The following RGPD1 variants were observed in gnomAD, a reference collection of about 807,000 sequenced individuals.
RGPD1 encodes the protein RANBP2 like and GRIP domain containing 1.
In RGPD1, 7 loss-of-function variants were observed where a neutral mutation model predicts 40.6. The observed-to-expected ratio is 0.17, with a 90% CI of 0.10 to 0.32. RGPD1 has a LOEUF of 0.32. RGPD1 is among the 10% of genes least tolerant of loss of function. The pLI, the probability that RGPD1 is intolerant of heterozygous loss-of-function variation, is 1.00. For missense variants in RGPD1, 50 were observed against 472.5 expected, an observed-to-expected ratio of 0.11 and a Z score of 8.29; for synonymous variants, 24 against 167.0, an observed-to-expected ratio of 0.14 and a Z score of 6.60.
intron 1 of RGPD1, among the ~76,000 whole-genome samples, chr2:86,944,418 T>A (rs1239736303): frequency 6.6e-6 from 1 of 152,086 alleles, no homozygotes; most frequent in Non-Finnish European, 1.5e-5. Flanking sequence ...TTATTTTTTT[T>A]TTTTTAGGTG....
At chr2:86,945,159 C>A (rs528421016) in intron 1 of RGPD1, among the ~76,000 whole-genome samples, 1 of 151,908 alleles carries the variant, frequency 6.6e-6, no homozygotes, top group East Asian at 1.9e-4. Context: ...AACTACATAA[C>A]GTCTCCATTA....
chr2:86,942,056 G>A (rs1462906398), upstream of RGPD1, among the ~76,000 whole-genome samples: 1 of 151,528 alleles, frequency 6.6e-6, no homozygotes, highest in East Asian at 1.9e-4. Flanking sequence ...GAGCCCGGCC[G>A]AGTGCAGCTC....
At position 86,918,535 on chromosome 2, in the gene RGPD1, C is replaced by G. The variant is rs1459253541; in HGVS notation, c.72+4614C>G. 3.6e-5 allele frequency among the ~76,000 whole-genome samples: 5 copies of G among 137,952 alleles called. No homozygotes were observed. The East Asian group carries it at 1.1e-3, about 30-fold the overall frequency. The allele number at this position is 137,952 out of a possible 152,430, so 90.5% of individuals were successfully genotyped here. A position where few individuals can be genotyped will look rare whatever the true frequency, so the allele number is the denominator to read the frequency against. The stretch of plus-strand genomic sequence containing the variant: ...AGTGCAATGGCGCAATCTCAGCTCA[C>G]TACAGGCTCTGCCTCCTGGGTTCAT... On this transcript the variant is annotated intron_variant, in intron 1 of 22. Transcript: ENST00000398193.
At chr2:86,943,954 C>A (rs1418986373) in intron 1 of RGPD1, among the ~76,000 whole-genome samples, 1 of 151,568 alleles carries the variant, frequency 6.6e-6, no homozygotes, top group Non-Finnish European at 1.5e-5. Context: ...GTGGAGGTTC[C>A]AGTGAGCCGA....
At position 86,930,169 on chromosome 2, in the gene RGPD1, C is replaced by T. The variant is rs572374736; in HGVS notation, c.72+16248C>T. 101 of 1,449,860 alleles carry T rather than the reference C, an allele frequency of 7.0e-5. 7 individuals carry two copies. In the African/African-American group the frequency reaches 1.4e-3, roughly 20 times the overall value. 89.8% of individuals were successfully genotyped at this position (1,449,860 alleles called of 1,614,324 possible). ...TGTGGGGGCAGGGGTCACCCCTGCCCCAGACTCACCCTCCTGATGAGGGAG... is the reference window on the plus strand; with the variant it reads ...TGTGGGGGCAGGGGTCACCCCTGCCTCAGACTCACCCTCCTGATGAGGGAG... On this transcript the variant is annotated intron_variant, in intron 1 of 22. Coordinates refer to the RGPD1 transcript ENST00000398193.
intron 1 of RGPD1, chr2:86,930,620 C>G: frequency 6.2e-7 from 1 of 1,611,678 alleles, no homozygotes; most frequent in South Asian, 1.1e-5. Flanking sequence ...AGCCAGTCTC[C>G]CCGCAGCAGT....
rs867907705 is a variant in RGPD1 at position 86,996,987 on chromosome 2, T to C, written c.5041-576T>C. 1.9e-3 allele frequency among the ~76,000 whole-genome samples: 239 copies of C among 125,854 alleles called. 2 individuals are homozygous for C. In the Middle Eastern group the frequency reaches 0.031, roughly 16 times the overall value. 82.6% of individuals were successfully genotyped at this position (125,854 alleles called of 152,430 possible). Reference sequence around the variant, plus strand: ...CATGGCTCCAGTTAGTTGCTCCTCATGGAGACGTTCCATCAGTTCCCCAGC... The same window carrying C: ...CATGGCTCCAGTTAGTTGCTCCTCACGGAGACGTTCCATCAGTTCCCCAGC... On this transcript the variant is annotated intron_variant, in intron 21 of 22. Coordinates refer to ENST00000641458, the MANE Select transcript of RGPD1 (RefSeq NM_001382344.1).
intron 1 of RGPD1, among the ~76,000 whole-genome samples, chr2:86,947,636 C>A (rs1680404601): frequency 8.1e-6 from 1 of 123,928 alleles, no homozygotes; most frequent in South Asian, 2.8e-4. Context: ...TGATGTTTAC[C>A]TGAAAGCTGG....
intron 1 of RGPD1, among the ~76,000 whole-genome samples, chr2:86,914,236 GGGC>G (rs1243374849): frequency 6.1e-5 from 5 of 82,330 alleles, no homozygotes; most frequent in African/African-American, 1.1e-4. Context: ...CGGCCTGGCC[GGGC>G]GGCGGCGGCG....
intron 1 of RGPD1, among the ~76,000 whole-genome samples, chr2:86,944,852 C>A (rs1573614155): frequency 6.6e-6 from 1 of 151,928 alleles, no homozygotes; most frequent in Non-Finnish European, 1.5e-5. Flanking sequence ...AGACTACAGG[C>A]ATGCCAGCTA....
At chr2:86,944,426 G>C (rs62148278) in intron 1 of RGPD1, among the ~76,000 whole-genome samples, 1 of 150,240 alleles carries the variant, frequency 6.7e-6, no homozygotes, top group Non-Finnish European at 1.5e-5. Flanking sequence ...TTTTTTTTAG[G>C]TGGGGTCTCA....
chr2:86,920,193 C>T (rs1479830938), intron 1 of RGPD1, among the ~76,000 whole-genome samples: 1 of 151,866 alleles, frequency 6.6e-6, no homozygotes, highest in Non-Finnish European at 1.5e-5. Context: ...CCTCAGCCTC[C>T]TGAGTAGCTG....
chr2:87,013,427 A>G lies in RGPD1; in HGVS notation c.*880A>G, dbSNP rs1052623558. ...AGCTCACATTCTAGTGGAATCAGACAGGGGGGTTACAGGAAATATTCAAGT... is the reference window on the plus strand; with the variant it reads ...AGCTCACATTCTAGTGGAATCAGACGGGGGGGTTACAGGAAATATTCAAGT... On this transcript the variant is annotated 3_prime_UTR_variant, in exon 23 of 23. Transcript: ENST00000641458. 45 of 141,726 alleles carry G rather than the reference A, an allele frequency of 3.2e-4. 7 individuals carry two copies. Among genetic ancestry groups the G allele is most frequent in the Non-Finnish European group, 4.6e-4 (36 of 77,502 alleles). 8.8% of individuals were successfully genotyped at this position (141,726 alleles called of 1,614,324 possible). A position where few individuals can be genotyped will look rare whatever the true frequency, so the allele number is the denominator to read the frequency against.
At chr2:86,945,388 G>C (rs1680274244) in intron 1 of RGPD1, among the ~76,000 whole-genome samples, 1 of 152,174 alleles carries the variant, frequency 6.6e-6, no homozygotes, top group African/African-American at 2.4e-5. Context: ...GCTTTGGATA[G>C]AAGGTAAGGA....
chr2:86,939,356 A>G (rs1320316856), upstream of RGPD1, among the ~76,000 whole-genome samples: 1 of 149,338 alleles, frequency 6.7e-6, no homozygotes, highest in African/African-American at 2.5e-5. Context: ...AGGAAGATGG[A>G]TCACTGGAGG....
intron 1 of RGPD1, among the ~76,000 whole-genome samples, chr2:86,931,354 C>G (rs1391190460): frequency 2.6e-5 from 4 of 151,056 alleles, no homozygotes; most frequent in African/African-American, 9.8e-5. Context: ...TTTACTTGAT[C>G]CTCCGTGCTT....
At position 86,915,223 on chromosome 2, in the gene RGPD1, A is replaced by T. The variant is rs1027166572; in HGVS notation, c.72+1302A>T. Among the ~76,000 whole-genome samples the T allele has an allele frequency of 3.3e-5, 5 of 150,720 alleles. 1 individual carries two copies. The East Asian group carries it at 9.9e-4, about 30-fold the overall frequency. On this transcript the variant is annotated intron_variant, in intron 1 of 22. Transcript: ENST00000398193. ...AGGCAGGAGAATTGCTTGAACCCAG[A>T]ATGCGGAGGTTGCGGTGAGCCAAGA... is the stretch of plus-strand genomic sequence containing the variant.
At chr2:86,942,334 G>C in intron 1 of RGPD1, 26 bp downstream of exon 1, 2 of 972,338 alleles carry the variant, frequency 2.1e-6, no homozygotes, top group South Asian at 2.2e-5. Context: ...AGAGACCGAC[G>C]GCCTCGACCT....
chr2:87,006,508 T>C (rs1682046080), intron 22 of RGPD1, among the ~76,000 whole-genome samples: 1 of 133,666 alleles, frequency 7.5e-6, no homozygotes, highest in Admixed American at 7.4e-5. Context: ...ACTCCTGTAA[T>C]CCCAGCACTT....
Sources: allele counts gnomAD v4.1 joint callset (sites outside exome capture counted in the v4.1 genomes callset), GRCh38; gene constraint gnomAD v4.1.1; transcripts MANE v1.5; gene names NCBI Gene and HGNC (gene_info 2026-07-23, HGNC 2026-07-21).